Variants in C2CD5 observed in about 807,000 individuals in gnomAD.
The protein encoded by C2CD5 is C2 calcium dependent domain containing 5.
In C2CD5, 109 loss-of-function variants were observed where a neutral mutation model predicts 130.3. The observed-to-expected ratio is 0.84, with a 90% CI of 0.72 to 0.98. The LOEUF (loss-of-function observed/expected upper bound fraction) is 0.98. Ranked by LOEUF, C2CD5 falls within the 50% of genes least tolerant of loss-of-function variation. The probability of loss-of-function intolerance (pLI) is 0.00; values close to 1 mark genes in which losing one functional copy is unlikely to be tolerated. For missense variants in C2CD5, 996 were observed against 1,261.8 expected (o/e 0.79, Z 3.19); for synonymous variants, 454 against 429.2 (o/e 1.06, Z -0.71).
At chr12:22,505,403 C>G (rs371593589) in intron 10 of C2CD5, among the ~76,000 whole-genome samples, 1 of 151,866 alleles carries the variant, frequency 6.6e-6, no homozygotes, top group Non-Finnish European at 1.5e-5. Context: ...ATTACAGGTG[C>G]CTGCCACCAC....
chr12:22,500,693 GCATGATCTGT>G (rs748175758), intron 10 of C2CD5, among the ~76,000 whole-genome samples: 4 of 152,004 alleles, frequency 2.6e-5, no homozygotes, highest in Admixed American at 1.3e-4. Context: ...ATATAAGCTT[GCATGATCTGT>G]CATATTTTAT....
intron 10 of C2CD5, among the ~76,000 whole-genome samples, chr12:22,499,704 T>C (rs550132478): frequency 7.4e-4 from 112 of 152,340 alleles, no homozygotes; most frequent in African/African-American, 2.2e-3. Context: ...CTAATTCTTA[T>C]GCACTTCCAA....
intron 9 of C2CD5, among the ~76,000 whole-genome samples, chr12:22,508,716 G>A (rs1477449392): frequency 6.6e-6 from 1 of 151,940 alleles, no homozygotes; most frequent in Non-Finnish European, 1.5e-5. Context: ...GAAACGTATA[G>A]GTAAGCTTAT....
At chr12:22,514,064 T>C (rs1329741728) in intron 8 of C2CD5, among the ~76,000 whole-genome samples, 1 of 152,114 alleles carries the variant, frequency 6.6e-6, no homozygotes, top group Non-Finnish European at 1.5e-5. Flanking sequence ...AGCTCTTACA[T>C]GTATTTTTTA....
intron 3 of C2CD5, among the ~76,000 whole-genome samples, chr12:22,531,464 T>A (rs552483613): frequency 8.5e-5 from 13 of 152,060 alleles, no homozygotes; most frequent in Admixed American, 7.9e-4. Flanking sequence ...GAGTTGAGAG[T>A]GCGGAAATAA....
At chr12:22,521,902 A>G (rs1294929946) in intron 7 of C2CD5, among the ~76,000 whole-genome samples, 4 of 152,112 alleles carry the variant, frequency 2.6e-5, no homozygotes, top group Non-Finnish European at 5.9e-5. Flanking sequence ...TCATACTATG[A>G]TACCTTTCTA....
chr12:22,509,149 A>G (rs1212064715), intron 9 of C2CD5, among the ~76,000 whole-genome samples: 3 of 152,172 alleles, frequency 2.0e-5, no homozygotes, highest in Admixed American at 2.0e-4. Context: ...AAGTGCTGGG[A>G]TTACAGGCGT....
At chr12:22,533,057 G>A (rs916988252) in intron 3 of C2CD5, among the ~76,000 whole-genome samples, 4 of 152,152 alleles carry the variant, frequency 2.6e-5, no homozygotes, top group Non-Finnish European at 5.9e-5. Flanking sequence ...TCTATTACAC[G>A]CTCTTCTGGG....
At chr12:22,494,086 A>G (rs1410599935) in intron 10 of C2CD5, among the ~76,000 whole-genome samples, 1 of 152,078 alleles carries the variant, frequency 6.6e-6, no homozygotes, top group Non-Finnish European at 1.5e-5. Context: ...AGCACTATAA[A>G]TGAAGCATCT....
intron 19 of C2CD5, 125 bp downstream of exon 19, chr12:22,471,842 G>C (rs937485295): frequency 1.6e-6 from 1 of 634,418 alleles, no homozygotes; most frequent in Non-Finnish European, 2.8e-6. Flanking sequence ...ATAGAGGTAA[G>C]GTAAGTAGGT....
intron 15 of C2CD5, among the ~76,000 whole-genome samples, chr12:22,476,054 T>C (rs1943798717): frequency 6.6e-6 from 1 of 152,172 alleles, no homozygotes; most frequent in Non-Finnish European, 1.5e-5. Flanking sequence ...TTTAATATGT[T>C]CTAGATTCAT....
chr12:22,532,613 TA>T (rs1400270792), intron 3 of C2CD5, among the ~76,000 whole-genome samples: 2 of 152,260 alleles, frequency 1.3e-5, no homozygotes, highest in East Asian at 3.9e-4. Flanking sequence ...CTTCCAACAC[TA>T]AAAGAAAGAT....
intron 16 of C2CD5, among the ~76,000 whole-genome samples, chr12:22,473,852 C>T (rs1242766905): frequency 1.3e-5 from 2 of 152,140 alleles, no homozygotes; most frequent in East Asian, 1.9e-4. Flanking sequence ...AACTTTTAAC[C>T]TCCTTGACCT....
At chr12:22,469,838 T>A in intron 21 of C2CD5, 43 bp from the exon 22 acceptor site, 2 of 1,200,456 alleles carry the variant, frequency 1.7e-6, no homozygotes, top group East Asian at 2.8e-5. Context: ...AATGATCTAT[T>A]ATTAATTTTT....
intron 8 of C2CD5, 91 bp downstream of exon 8, chr12:22,517,895 A>G (rs1458456253): frequency 1.8e-6 from 2 of 1,120,144 alleles, no homozygotes; most frequent in Non-Finnish European, 2.6e-6. Context: ...AAGTGCCAAA[A>G]ACAAGAGGAA....
chr12:22,494,342 T>C (rs1946742897), intron 10 of C2CD5, among the ~76,000 whole-genome samples: 1 of 152,082 alleles, frequency 6.6e-6, no homozygotes, highest in Admixed American at 6.6e-5. Flanking sequence ...CTATTAAATC[T>C]AAAAACCAAA....
At chr12:22,453,719 T>C (rs1349939158) in intron 26 of C2CD5, among the ~76,000 whole-genome samples, 177 bp downstream of exon 26, 1 of 152,196 alleles carries the variant, frequency 6.6e-6, no homozygotes, top group Non-Finnish European at 1.5e-5. Flanking sequence ...CGAAATAGCA[T>C]GTATTGACTT....
At chr12:22,533,338 T>A (rs137973812) in intron 3 of C2CD5, among the ~76,000 whole-genome samples, 49 of 152,270 alleles carry the variant, frequency 3.2e-4, no homozygotes, top group African/African-American at 1.1e-3. Flanking sequence ...GAGAATTGAA[T>A]GAGGTTAACA....
chr12:22,541,352 T>C (rs562589076), intron 2 of C2CD5, among the ~76,000 whole-genome samples: 8 of 152,342 alleles, frequency 5.3e-5, no homozygotes, highest in African/African-American at 1.9e-4. Context: ...CCTAACTGCC[T>C]GATTTCTACT....
Sources: allele counts gnomAD v4.1 joint callset (sites outside exome capture counted in the v4.1 genomes callset), GRCh38; gene constraint gnomAD v4.1.1; transcripts MANE v1.5; gene names NCBI Gene and HGNC (gene_info 2026-07-23, HGNC 2026-07-21).